ATG3: variants seen among roughly 807,000 people sequenced by gnomAD.
ATG3 encodes the protein autophagy related 3, also known as ubiquitin-like-conjugating enzyme ATG3.
A neutral mutation model predicts 50.7 loss-of-function variants in ATG3; 25 were observed. The observed-to-expected ratio is 0.49, with a 90% confidence interval of 0.36 to 0.69. The LOEUF (loss-of-function observed/expected upper bound fraction) is 0.69. Among genes scored for constraint, ATG3 ranks in the 30% least tolerant of loss-of-function variants. The pLI is 0.00. For synonymous variants in ATG3, 119 were observed against 125.5 expected (o/e 0.95, Z 0.34); for missense variants, 281 against 376.0 (o/e 0.75, Z 2.09).
chr3:112,543,220 C>A (rs1429634615), intron 6 of ATG3, among the ~76,000 whole-genome samples: 1 of 151,982 alleles, frequency 6.6e-6, no homozygotes, highest in Non-Finnish European at 1.5e-5. Context: ...AATAGTCTAT[C>A]CTCTAAGTGA....
chr3:112,557,895 T>C (rs1933733023), intron 2 of ATG3, among the ~76,000 whole-genome samples: 2 of 152,144 alleles, frequency 1.3e-5, no homozygotes, highest in South Asian at 4.2e-4. Flanking sequence ...TAATTATTCA[T>C]AAAATTGGAG....
chr3:112,561,721 G>A lies in ATG3; in HGVS notation c.-193C>T. The A allele has an allele frequency of 1.7e-6, 1 of 591,804 alleles. No individual in the cohort carries two copies. The highest frequency in any genetic ancestry group is 2.9e-6 in the Non-Finnish European group (1 of 348,556). 36.7% of individuals were successfully genotyped at this position (591,804 alleles called of 1,614,324 possible). ...CGGGGCGGCAGGCACAGCGCGCGAA[G>A]ACGGGGTGCGCGATCCTCGCACCCC... On this transcript the variant is annotated 5_prime_UTR_variant, in exon 1 of 12. Coordinates refer to ENST00000283290, the MANE Select transcript of ATG3 (RefSeq NM_022488.5).
chr3:112,534,106 C>T (rs1422199853), intron 11 of ATG3, 163 bp downstream of exon 11: 2 of 1,391,714 alleles, frequency 1.4e-6, no homozygotes, highest in Non-Finnish European at 1.9e-6. Context: ...ATAACTATCA[C>T]AATATAACAT....
chr3:112,542,168 G>C (rs1933250753), intron 6 of ATG3, among the ~76,000 whole-genome samples: 2 of 152,108 alleles, frequency 1.3e-5, no homozygotes, highest in South Asian at 4.1e-4. Context: ...CAATAAAACA[G>C]TATTTTTGGT....
At chr3:112,557,870 A>C (rs1218542435) in intron 2 of ATG3, among the ~76,000 whole-genome samples, 1 of 152,230 alleles carries the variant, frequency 6.6e-6, no homozygotes, top group African/African-American at 2.4e-5. Context: ...GAACAACCTA[A>C]GTCTGATAAA....
At chr3:112,536,436 A>G (rs1430485734) in intron 10 of ATG3, 39 bp downstream of exon 10, 7 of 1,598,728 alleles carry the variant, frequency 4.4e-6, no homozygotes, top group Non-Finnish European at 6.0e-6. Context: ...GAAATATACA[A>G]TCACATCAAA....
chr3:112,555,522 T>C (rs181909199), intron 2 of ATG3, among the ~76,000 whole-genome samples: 1 of 152,192 alleles, frequency 6.6e-6, no homozygotes, highest in Non-Finnish European at 1.5e-5. Context: ...CCAACATTAG[T>C]TTTTTCTTTG....
At chr3:112,541,975 G>A in intron 6 of ATG3, 91 bp from the exon 7 acceptor site, 1 of 922,646 alleles carries the variant, frequency 1.1e-6, no homozygotes, top group Non-Finnish European at 1.6e-6. Flanking sequence ...TAACCACTGT[G>A]AAAATAAGAA....
intron 4 of ATG3, 62 bp from the exon 5 acceptor site, chr3:112,548,702 G>T: frequency 7.2e-7 from 1 of 1,389,196 alleles, no homozygotes; most frequent in Non-Finnish European, 1.0e-6. Context: ...AAATCCATTA[G>T]AAAGAAGAGA....
rs1318089138 is a variant in ATG3 at position 112,561,587 on chromosome 3, G to C, written c.-59C>G. On this transcript the variant is annotated 5_prime_UTR_variant, in exon 1 of 12. Transcript: ENST00000283290. ...GGATGGAAAGTGCAGCCGTGTCAGG[G>C]GCCAGGGAGTCAGAAAATGTCCTCG... The C allele has an allele frequency of 3.9e-6, 6 of 1,538,538 alleles. No individual in the cohort carries two copies. The highest frequency in any genetic ancestry group is 3.4e-5 in the South Asian group (3 of 87,174).
At chr3:112,539,148 C>T (rs1933156337) in intron 7 of ATG3, among the ~76,000 whole-genome samples, 1 of 152,188 alleles carries the variant, frequency 6.6e-6, no homozygotes, top group African/African-American at 2.4e-5. Context: ...TATCAAACAG[C>T]CTCCTGTTGT....
intron 7 of ATG3, among the ~76,000 whole-genome samples, chr3:112,539,709 G>A (rs185804605): frequency 2.5e-4 from 38 of 152,146 alleles, no homozygotes; most frequent in Non-Finnish European, 5.3e-4. Flanking sequence ...GATAAATACT[G>A]TACTGCCCAA....
rs530330020 is a variant in ATG3 at position 112,560,780 on chromosome 3, TA to T, written c.72+676del. Reference sequence around the variant, plus strand: ...GCTAATGTGTCACAATTTTTTACTTTAAAAATGCTGTACTGTTGCCAATATA... The same window carrying T: ...GCTAATGTGTCACAATTTTTTACTTTAAAATGCTGTACTGTTGCCAATATA... On this transcript the variant is annotated intron_variant, in intron 1 of 11. Transcript: ENST00000283290. 2.1e-3 allele frequency among the ~76,000 whole-genome samples: 323 copies of T among 152,334 alleles called. 1 individual carries two copies. Among genetic ancestry groups the T allele is most frequent in the African/African-American group, 7.2e-3 (300 of 41,574 alleles).
chr3:112,555,595 C>A (rs1034712838), intron 2 of ATG3, among the ~76,000 whole-genome samples: 2 of 152,134 alleles, frequency 1.3e-5, no homozygotes, highest in Non-Finnish European at 2.9e-5. Flanking sequence ...ACTGCCACAC[C>A]TCTGAATGAA....
chr3:112,560,223 G>A (rs1028154936), intron 1 of ATG3, among the ~76,000 whole-genome samples: 1 of 152,196 alleles, frequency 6.6e-6, no homozygotes, highest in Non-Finnish European at 1.5e-5. Flanking sequence ...TACCTAGGTA[G>A]ATATGATATT....
intron 4 of ATG3, among the ~76,000 whole-genome samples, chr3:112,549,449 T>C (rs777027527): frequency 6.6e-6 from 1 of 152,242 alleles, no homozygotes; most frequent in East Asian, 1.9e-4. Context: ...TGTATTGTTT[T>C]GTGATTAGTT....
At chr3:112,541,330 T>C (rs1163950711) in intron 7 of ATG3, among the ~76,000 whole-genome samples, 1 of 151,158 alleles carries the variant, frequency 6.6e-6, no homozygotes, top group Admixed American at 6.6e-5. Context: ...GCGGTTGCAG[T>C]GAGCAGAGAT....
intron 10 of ATG3, chr3:112,536,037 C>T (rs550308618): frequency 4.7e-5 from 8 of 169,750 alleles, no homozygotes; most frequent in South Asian, 1.5e-4. Context: ...TATCTCCCTT[C>T]ACTAATCAAT....
At chr3:112,557,134 T>C (rs1054183413) in intron 2 of ATG3, among the ~76,000 whole-genome samples, 1 of 148,088 alleles carries the variant, frequency 6.8e-6, no homozygotes, top group South Asian at 2.1e-4. Flanking sequence ...AAAGATTAGT[T>C]ATGCAAACCA....
Sources: gnomAD v4.1 joint callset for allele counts (sites outside exome capture counted in the v4.1 genomes callset) on GRCh38, gnomAD v4.1.1 for gene constraint, MANE v1.5 for transcripts, NCBI Gene and HGNC (gene_info 2026-07-23, HGNC 2026-07-21) for gene names.